UEVLD: variants seen among roughly 807,000 people sequenced by gnomAD.
UEVLD encodes UEV and lactate/malate dehyrogenase domains.
Under a neutral mutation model 58.6 loss-of-function variants are expected in UEVLD, and 47 were observed. The observed-to-expected ratio is 0.80, with a 90% confidence interval of 0.63 to 1.02. The LOEUF is 1.02. UEVLD is among the 50% of genes least tolerant of loss of function. The pLI is 0.00. For synonymous variants in UEVLD, 197 were observed against 195.3 expected (o/e 1.01, Z -0.07); for missense variants, 510 against 550.6 (o/e 0.93, Z 0.74).
chr11:18,576,621 T>C lies in UEVLD; in HGVS notation c.128-1209A>G, dbSNP rs189176041. ...AAGCTTACAAGATTCTGGTCCTCCC[T>C]AAACTGCTCCTAAGATCAGTGCTTG... On this transcript the variant is annotated intron_variant, in intron 2 of 11. Transcript: ENST00000396197. Among the ~76,000 whole-genome samples the C allele has an allele frequency of 1.8e-3, 279 of 152,310 alleles. 4 individuals are homozygous for C. Among genetic ancestry groups the C allele is most frequent in the Middle Eastern group, 6.8e-3 (2 of 294 alleles).
chr11:18,563,250 T>C (rs1198599582), intron 6 of UEVLD, among the ~76,000 whole-genome samples: 1 of 152,168 alleles, frequency 6.6e-6, no homozygotes, highest in Non-Finnish European at 1.5e-5. Flanking sequence ...ATAAGTGCTA[T>C]AAAAACCATT....
chr11:18,565,817 C>CA (rs915934647), intron 5 of UEVLD, among the ~76,000 whole-genome samples: 2 of 148,734 alleles, frequency 1.3e-5, no homozygotes, highest in Admixed American at 6.7e-5. Context: ...GACTCCATCT[C>CA]AAAAAAATAA....
intron 6 of UEVLD, 28 bp downstream of exon 6, chr11:18,564,864 T>C: frequency 1.3e-6 from 2 of 1,506,276 alleles, no homozygotes; most frequent in Non-Finnish European, 1.8e-6. Flanking sequence ...CTATGATAGA[T>C]GTATTTATAA....
intron 6 of UEVLD, among the ~76,000 whole-genome samples, chr11:18,559,099 C>G (rs1159216032): frequency 2.0e-5 from 3 of 152,096 alleles, no homozygotes; most frequent in African/African-American, 4.8e-5. Flanking sequence ...ATCACAAACT[C>G]CTGACCTCAG....
chr11:18,587,259 G>T (rs551389981), intron 1 of UEVLD, among the ~76,000 whole-genome samples: 1 of 152,230 alleles, frequency 6.6e-6, no homozygotes, highest in South Asian at 2.1e-4. Context: ...ATTAAAACTT[G>T]AATGGTTCTT....
intron 7 of UEVLD, among the ~76,000 whole-genome samples, chr11:18,547,657 A>T (rs143651279): frequency 2.0e-4 from 30 of 152,328 alleles, no homozygotes; most frequent in Admixed American, 1.9e-3. Context: ...GAAAATAAAT[A>T]TTATGCTATA....
intron 8 of UEVLD, 69 bp from the exon 9 acceptor site, chr11:18,544,865 T>TA: frequency 8.4e-7 from 1 of 1,197,112 alleles, no homozygotes; most frequent in Non-Finnish European, 1.1e-6. Flanking sequence ...AGCTCACAAA[T>TA]ATTTATTATT....
chr11:18,564,830 C>T (rs907797214), intron 6 of UEVLD, 62 bp downstream of exon 6: 37 of 1,231,670 alleles, frequency 3.0e-5, no homozygotes, highest in Non-Finnish European at 4.0e-5. Flanking sequence ...GTGTGTAAAA[C>T]ACAACCTGCC....
At chr11:18,545,724 C>T (rs1026781449) in intron 8 of UEVLD, among the ~76,000 whole-genome samples, 14 of 151,534 alleles carry the variant, frequency 9.2e-5, no homozygotes, top group Non-Finnish European at 1.3e-4. Flanking sequence ...TGATTACAGG[C>T]GTGAGCCACC....
In UEVLD at chr11:18,531,619, C is replaced by A. The variant is rs553550666; in HGVS notation, c.*701G>T. ...TTTGCTTATGGTTCCACTAATATCA[C>A]AATTAGTTTATGAGATGTTGGAGAT... On this transcript the variant is annotated 3_prime_UTR_variant, in exon 12 of 12. Coordinates refer to ENST00000396197, the MANE Select transcript of UEVLD (RefSeq NM_001040697.4). 2 of 152,132 alleles carry A rather than the reference C, an allele frequency of 1.3e-5. No individual in the cohort carries two copies. The highest frequency in any genetic ancestry group is 6.5e-5 in the Admixed American group (1 of 15,270). 9.4% of individuals were successfully genotyped at this position (152,132 alleles called of 1,614,324 possible).
chr11:18,561,912 G>C (rs1325136907), intron 6 of UEVLD, among the ~76,000 whole-genome samples: 1 of 150,026 alleles, frequency 6.7e-6, no homozygotes, highest in Admixed American at 6.7e-5. Flanking sequence ...AAAAAAAAAA[G>C]AGTCAAGTGT....
At chr11:18,582,934 T>C (rs1053936884) in intron 1 of UEVLD, among the ~76,000 whole-genome samples, 55 of 152,336 alleles carry the variant, frequency 3.6e-4, no homozygotes, top group African/African-American at 1.3e-3. Flanking sequence ...TATTTCTTTT[T>C]TCTTTTGAGA....
intron 1 of UEVLD, among the ~76,000 whole-genome samples, chr11:18,585,874 AT>A (rs1257858740): frequency 1.3e-5 from 2 of 152,178 alleles, no homozygotes; most frequent in Non-Finnish European, 2.9e-5. Flanking sequence ...ACCTCAAGTG[AT>A]CCGCCCACCT....
chr11:18,542,702 T>C (rs1565110844), intron 9 of UEVLD, among the ~76,000 whole-genome samples: 1 of 152,100 alleles, frequency 6.6e-6, no homozygotes, highest in Non-Finnish European at 1.5e-5. Flanking sequence ...AATGTTAATA[T>C]TTTATTTTAA....
chr11:18,544,691 G>C lies in UEVLD; in HGVS notation c.992C>G (p.Thr331Arg). ...TGAAGTCTGTGCCTTCAAAACATTTGTAATAATATACTGTAATCTCTGTGA... is the reference window on the plus strand; with the variant it reads ...TGAAGTCTGTGCCTTCAAAACATTTCTAATAATATACTGTAATCTCTGTGA... ...LDSQRLQYII[T>R]NVLKAQTSGK... The change falls in exon 9 of 12, where the codon ACA (threonine) becomes AGA (arginine). Residue 331 changes from threonine (T) to arginine (R), a missense_variant. Thr to Arg is a moderately conservative substitution (Grantham distance 71). Transcript: ENST00000396197. The C allele has an allele frequency of 1.3e-6, 2 of 1,589,154 alleles. No homozygotes were observed. Among genetic ancestry groups the C allele is most frequent in the Non-Finnish European group, 1.7e-6 (2 of 1,171,964 alleles).
At chr11:18,563,634 A>T (rs1038971299) in intron 6 of UEVLD, 4 of 963,860 alleles carry the variant, frequency 4.1e-6, no homozygotes, top group Non-Finnish European at 4.9e-6. Context: ...TTCAGATGAG[A>T]AAACAAGCAA....
At chr11:18,585,318 T>TA (rs1853491088) in intron 1 of UEVLD, among the ~76,000 whole-genome samples, 2 of 152,248 alleles carry the variant, frequency 1.3e-5, no homozygotes, top group Non-Finnish European at 2.9e-5. Flanking sequence ...TTTTAGGTTT[T>TA]AAAGTTGTCT....
At chr11:18,571,249 A>G (rs1358164559) in intron 3 of UEVLD, among the ~76,000 whole-genome samples, 1 of 152,188 alleles carries the variant, frequency 6.6e-6, no homozygotes, top group Non-Finnish European at 1.5e-5. Flanking sequence ...TGGGGGGCTG[A>G]GGCACAAGAA....
intron 5 of UEVLD, 63 bp from the exon 6 acceptor site, chr11:18,565,073 A>T: frequency 4.2e-6 from 5 of 1,194,840 alleles, no homozygotes; most frequent in Non-Finnish European, 6.0e-6. Context: ...TAGGATCTTT[A>T]AAAAAAATAT....
Sources: allele counts gnomAD v4.1 joint callset (sites outside exome capture counted in the v4.1 genomes callset), GRCh38; gene constraint gnomAD v4.1.1; transcripts MANE v1.5; gene names NCBI Gene and HGNC (gene_info 2026-07-23, HGNC 2026-07-21).